The following DYNC2H1 variants were observed in gnomAD, a reference collection of about 807,000 sequenced individuals.
DYNC2H1 encodes cytoplasmic dynein 2 heavy chain 1.
In DYNC2H1, 410 loss-of-function variants were observed where a neutral mutation model predicts 570.0. The observed-to-expected ratio is 0.72, with a 90% CI of 0.66 to 0.78. The LOEUF is 0.78. Among genes scored for constraint, DYNC2H1 ranks in the 30% least tolerant of loss-of-function variants. The pLI, the probability that DYNC2H1 is intolerant of heterozygous loss-of-function variation, is 0.00. For missense variants in DYNC2H1, 4,865 were observed against 5,046.4 expected (o/e 0.96, Z 1.09); for synonymous variants, 1,688 against 1,677.6 (o/e 1.01, Z -0.15).
At chr11:103,187,784 G>A (rs1349576487) in intron 43 of DYNC2H1, among the ~76,000 whole-genome samples, 198 bp downstream of exon 43, 2 of 152,044 alleles carry the variant, frequency 1.3e-5, no homozygotes, top group African/African-American at 4.8e-5. Flanking sequence ...ATTACGTCAG[G>A]ATAATACATG....
chr11:103,189,550 T>G lies in DYNC2H1; in HGVS notation c.7293-122T>G. 2 of 932,272 alleles carry G rather than the reference T, an allele frequency of 2.1e-6. No individual in the cohort carries two copies. The highest frequency in any genetic ancestry group is 1.6e-6 in the Non-Finnish European group (1 of 625,142). The allele number at this position is 932,272 out of a possible 1,614,324, so 57.7% of individuals were successfully genotyped here. A position where few individuals can be genotyped will look rare whatever the true frequency, so the allele number is the denominator to read the frequency against. On this transcript the variant is annotated intron_variant, in intron 44 of 88. Coordinates refer to ENST00000375735, the MANE Select transcript of DYNC2H1 (RefSeq NM_001377.3). This position sits in a 1 kb window ranked among gnomAD's most constrained non-coding sequence, Gnocchi z 4.3. ...CCTAGTCTTAGCCCCCTGGGTAAGC[T>G]TTGGAGATATGTAGGTCTTAGAGCA... is the stretch of plus-strand genomic sequence containing the variant.
intron 83 of DYNC2H1, among the ~76,000 whole-genome samples, chr11:103,386,806 C>T (rs1480757194): frequency 6.6e-6 from 1 of 152,088 alleles, no homozygotes; most frequent in African/African-American, 2.4e-5. Flanking sequence ...CAGCTTCATC[C>T]ATGTCCCTAC....
chr11:103,330,921 A>ACT (rs1278754116), intron 82 of DYNC2H1, among the ~76,000 whole-genome samples: 9 of 152,214 alleles, frequency 5.9e-5, no homozygotes, highest in African/African-American at 2.2e-4. Context: ...GAAGGAAGGC[A>ACT]GTTGTAGTCA....
At chr11:103,259,629 A>C (rs566805044) in intron 69 of DYNC2H1, among the ~76,000 whole-genome samples, 9 of 152,152 alleles carry the variant, frequency 5.9e-5, no homozygotes, top group Non-Finnish European at 1.2e-4. Flanking sequence ...GACTGATATA[A>C]AATTCAACTT....
At chr11:103,207,407 G>A (rs537470853) in intron 52 of DYNC2H1, among the ~76,000 whole-genome samples, 3 of 152,058 alleles carry the variant, frequency 2.0e-5, no homozygotes, top group African/African-American at 7.2e-5. Flanking sequence ...ATTAAGGATC[G>A]GCATTTCCTA....
At chr11:103,321,921 T>C (rs1232720796) in intron 81 of DYNC2H1, among the ~76,000 whole-genome samples, 2 of 152,168 alleles carry the variant, frequency 1.3e-5, no homozygotes, top group Non-Finnish European at 2.9e-5. Context: ...CAAAGGCATA[T>C]ATCTATTCAA....
At chr11:103,447,981 G>A (rs1212129152) in intron 85 of DYNC2H1, among the ~76,000 whole-genome samples, 2 of 151,956 alleles carry the variant, frequency 1.3e-5, no homozygotes, top group Non-Finnish European at 1.5e-5. Flanking sequence ...GAAAGAAAAA[G>A]GCTTAGTCTT....
intron 84 of DYNC2H1, among the ~76,000 whole-genome samples, chr11:103,411,688 T>G (rs1420709431): frequency 6.6e-6 from 1 of 152,076 alleles, no homozygotes; most frequent in Non-Finnish European, 1.5e-5. Context: ...GGTCATACAT[T>G]TTTAATTTTT....
At chr11:103,405,504 A>C (rs1318384712) in intron 84 of DYNC2H1, 1 of 151,934 alleles carries the variant, frequency 6.6e-6, no homozygotes. Context: ...TTGAGGATGC[A>C]AGCAGGAAAG....
chr11:103,316,683 C>T (rs1274175199), intron 80 of DYNC2H1, 63 bp downstream of exon 80: 26 of 1,258,406 alleles, frequency 2.1e-5, no homozygotes, highest in Non-Finnish European at 2.7e-5. Context: ...GTCTTATTAA[C>T]TATGTTTTCT....
rs770980588 is a variant in DYNC2H1 at position 103,215,822 on chromosome 11, A to C, written c.8796A>C (p.Ala2932=). ...TACTTAAAACGAAGCAAGATGAAGC[A>C]GATGCTGCCCTTCAAATGATCACAG... ...SVLLKTKQDE[A]DAALQMITVS... Residue 2932 remains alanine, a synonymous_variant, in exon 55 of 89, where the codon GCA becomes GCC. Coordinates refer to ENST00000375735, the MANE Select transcript of DYNC2H1 (RefSeq NM_001377.3). 12 of 1,612,860 alleles carry C rather than the reference A, an allele frequency of 7.4e-6. No individual in the cohort carries two copies. Among genetic ancestry groups the C allele is most frequent in the Non-Finnish European group, 1.0e-5 (12 of 1,179,324 alleles).
At position 103,135,904 on chromosome 11, in the gene DYNC2H1, G is replaced by A; in HGVS notation, c.2530G>A (p.Glu844Lys). Residue 844 changes from glutamate (E) to lysine (K), a missense_variant, in exon 17 of 89, where the codon GAA becomes AAA. By Grantham distance (56) the Glu-to-Lys change is moderately conservative. Coordinates refer to ENST00000375735, the MANE Select transcript of DYNC2H1 (RefSeq NM_001377.3). ...SGFLTIFSKA[E>K]DLFRRLSAVL... ...ATTTTTGACGATTTTCAGCAAAGCA[G>A]AAGATCTGTTTAGAAGATTGTCAGC... is the stretch of plus-strand genomic sequence containing the variant. The A allele has an allele frequency of 6.2e-7, 1 of 1,612,798 alleles. No homozygotes were observed. The highest frequency in any genetic ancestry group is 8.5e-7 in the Non-Finnish European group (1 of 1,179,332).
chr11:103,236,412 A>G lies in DYNC2H1; in HGVS notation c.9710-18A>G. ...ACAAGATCGTTGTGAAGTATTATCA[A>G]TATCTTCAACTTTTCAGAATTTGAT... On this transcript the variant is annotated intron_variant, in intron 62 of 88. Coordinates refer to ENST00000375735, the MANE Select transcript of DYNC2H1 (RefSeq NM_001377.3). 2 of 1,392,210 alleles carry G rather than the reference A, an allele frequency of 1.4e-6. No homozygotes were observed. Among genetic ancestry groups the G allele is most frequent in the East Asian group, 4.6e-5 (2 of 43,568 alleles). 86.2% of individuals were successfully genotyped at this position (1,392,210 alleles called of 1,614,324 possible). A position where few individuals can be genotyped will look rare whatever the true frequency, so the allele number is the denominator to read the frequency against.
intron 87 of DYNC2H1, 48 bp downstream of exon 87, chr11:103,456,404 GAT>G: frequency 6.9e-7 from 1 of 1,444,888 alleles, no homozygotes; most frequent in Non-Finnish European, 9.5e-7. Context: ...ATCACCAACT[GAT>G]ATAAGAGATT....
Position 103,441,341 on chromosome 11 carries a change from G to A in DYNC2H1, c.12456+5309G>A, listed in dbSNP as rs369794713. Among the ~76,000 whole-genome samples the A allele has an allele frequency of 2.5e-3, 341 of 138,388 alleles. 4 individuals carry two copies. Among genetic ancestry groups the A allele is most frequent in the African/African-American group, 8.8e-3 (317 of 35,904 alleles). The allele number at this position is 138,388 out of a possible 152,430, so 90.8% of individuals were successfully genotyped here. A position where few individuals can be genotyped will look rare whatever the true frequency, so the allele number is the denominator to read the frequency against. On this transcript the variant is annotated intron_variant, in intron 85 of 88. Transcript: ENST00000375735. ...AGGCCTTCCCTGACCATCCTGTTTC[G>A]AATGTAACCCCCGCACTCCCCCCTC...
intron 24 of DYNC2H1, 36 bp downstream of exon 24, chr11:103,154,845 A>G (rs1477994249): frequency 2.0e-6 from 3 of 1,464,888 alleles, no homozygotes; most frequent in East Asian, 5.1e-5. Context: ...ATTAAAAACA[A>G]TGTTTGGAGC....
rs1865078347 is a variant in DYNC2H1 at position 103,256,898 on chromosome 11, A to T, written c.10461+658A>T. ...TCTGATCACAAATATTTACCATTTC[A>T]TCTTACCCACTTTCCCCTAATACTA... is the stretch of plus-strand genomic sequence containing the variant. On this transcript the variant is annotated intron_variant, in intron 68 of 88. Coordinates refer to ENST00000375735, the MANE Select transcript of DYNC2H1 (RefSeq NM_001377.3). This position sits in a 1 kb window ranked among gnomAD's most constrained non-coding sequence, Gnocchi z 4.0. 6.6e-6 allele frequency among the ~76,000 whole-genome samples: 1 copy of T among 152,214 alleles called. No individual in the cohort carries two copies. Among genetic ancestry groups the T allele is most frequent in the Admixed American group, 6.5e-5 (1 of 15,274 alleles).
Position 103,286,500 on chromosome 11 carries a change from A to T in DYNC2H1, c.11022+114A>T, listed in dbSNP as rs1591525586. On this transcript the variant is annotated intron_variant, in intron 74 of 88. Coordinates refer to ENST00000375735, the MANE Select transcript of DYNC2H1 (RefSeq NM_001377.3). ...AGTGTTACTTTACCTTTAATGGCGT[A>T]TTTGGGGAAGGGCTTGATCCTTTTG... The T allele has an allele frequency of 2.4e-6, 3 of 1,260,436 alleles. No homozygotes were observed. In the African/African-American group the frequency reaches 4.5e-5, roughly 19 times the overall value. The allele number at this position is 1,260,436 out of a possible 1,614,324, so 78.1% of individuals were successfully genotyped here.
In DYNC2H1 at chr11:103,198,058, A is replaced by T; in HGVS notation, c.7834A>T (p.Lys2612Ter). The T allele has an allele frequency of 6.4e-7, 1 of 1,551,714 alleles. No individual in the cohort carries two copies. Among genetic ancestry groups the T allele is most frequent in the South Asian group, 1.2e-5 (1 of 84,030 alleles). Residue 2612 changes from lysine to a stop codon, truncating the protein, a stop_gained, in exon 48 of 89, where the codon AAA (lysine) becomes TAA (stop). Coordinates refer to ENST00000375735, the MANE Select transcript of DYNC2H1 (RefSeq NM_001377.3). LOFTEE classifies it high-confidence loss of function. ...CTCTACTGATCTCAAGGATGTTATT[A>T]AAAAGGTATAATATGAATCATTAAT... ...LNSTDLKDVIKKGLIHYGRDN... is the reference protein window; with the variant it reads ...LNSTDLKDVI
Sources: allele counts gnomAD v4.1 joint callset (sites outside exome capture counted in the v4.1 genomes callset), GRCh38; gene constraint gnomAD v4.1.1; non-coding constraint Gnocchi (gnomAD v3.1); transcripts MANE v1.5; gene names NCBI Gene and HGNC (gene_info 2026-07-23, HGNC 2026-07-21).